The following RELN variants were observed in gnomAD, a reference collection of about 807,000 sequenced individuals.
The protein encoded by RELN is reelin.
Under a neutral mutation model 427.6 loss-of-function variants are expected in RELN, and 108 were observed. The ratio of observed to expected loss-of-function variants is 0.25; its 90% CI spans 0.22 to 0.30. The LOEUF is 0.30. Among genes scored for constraint, RELN ranks in the 10% least tolerant of loss-of-function variants. The pLI is 1.00. For missense variants in RELN, 3,715 were observed against 4,302.8 expected, an observed-to-expected ratio of 0.86 and a Z score of 3.82; for synonymous variants, 1,524 against 1,513.4, an observed-to-expected ratio of 1.01 and a Z score of -0.16.
At chr7:103,592,275 G>C (rs529183097) in intron 27 of RELN, among the ~76,000 whole-genome samples, 19 of 152,232 alleles carry the variant, frequency 1.2e-4, no homozygotes, top group Non-Finnish European at 2.6e-4. Context: ...ACTTACAAGT[G>C]AGAACATGTG....
At chr7:103,868,408 T>C (rs987980069) in intron 2 of RELN, among the ~76,000 whole-genome samples, 1 of 152,118 alleles carries the variant, frequency 6.6e-6, no homozygotes, top group Non-Finnish European at 1.5e-5. Context: ...GAGTATATTT[T>C]GTTAAATTTT....
intron 4 of RELN, among the ~76,000 whole-genome samples, chr7:103,766,494 G>A (rs1170643669): frequency 6.6e-6 from 1 of 152,162 alleles, no homozygotes; most frequent in Non-Finnish European, 1.5e-5. Flanking sequence ...ATAGCCAAGA[G>A]AAGATTTTGG....
At chr7:103,647,241 C>A (rs192680487) in intron 16 of RELN, among the ~76,000 whole-genome samples, 170 of 151,574 alleles carry the variant, frequency 1.1e-3, no homozygotes, top group Non-Finnish European at 1.9e-3. Context: ...ATAAAAGGCA[C>A]CCAAATTTGA....
chr7:103,797,286 A>G (rs1382993353), intron 3 of RELN, among the ~76,000 whole-genome samples: 1 of 152,032 alleles, frequency 6.6e-6, no homozygotes, highest in Non-Finnish European at 1.5e-5. Flanking sequence ...TATTATTTTT[A>G]GTAGAGATGG....
Position 103,936,743 on chromosome 7 carries a change from GACACACACACACACACACAC to G in RELN, c.227-19578_227-19559del, listed in dbSNP as rs57505374. Among the ~76,000 whole-genome samples, 333 of 139,746 alleles carry G rather than the reference GACACACACACACACACACAC, an allele frequency of 2.4e-3. 3 individuals are homozygous for G. The highest frequency in any genetic ancestry group is 4.0e-3 in the Non-Finnish European group (256 of 63,684). 91.7% of individuals were successfully genotyped at this position (139,746 alleles called of 152,430 possible). ...ACACACACAGACAGACAGACAGACA[GACACACACACACACACACAC>G]ACACACACACACTTTCCTGGTAAAA... is the stretch of plus-strand genomic sequence containing the variant. On this transcript the variant is annotated intron_variant, in intron 1 of 64. Coordinates refer to ENST00000428762, the MANE Select transcript of RELN (RefSeq NM_005045.4).
At chr7:103,969,468 TG>T (rs890551525) in intron 1 of RELN, among the ~76,000 whole-genome samples, 68 of 152,284 alleles carry the variant, frequency 4.5e-4, no homozygotes, top group African/African-American at 1.4e-3. Context: ...ATGCCAGAAA[TG>T]GCCAATTAGA....
In RELN at chr7:103,904,529, C is replaced by T. The variant is rs568589909; in HGVS notation, c.337+12546G>A. Among the ~76,000 whole-genome samples the T allele has an allele frequency of 1.3e-4, 20 of 152,254 alleles. 2 individuals are homozygous for T. In the South Asian group the frequency reaches 3.9e-3, roughly 30 times the overall value. On this transcript the variant is annotated intron_variant, in intron 2 of 64. Coordinates refer to ENST00000428762, the MANE Select transcript of RELN (RefSeq NM_005045.4). ...CACACCAGCATCTACTGTTCCTTGA[C>T]TTTACATATCTTATCAGGACTAAAT... is the stretch of plus-strand genomic sequence containing the variant.
intron 11 of RELN, among the ~76,000 whole-genome samples, chr7:103,674,268 T>G (rs1833460984): frequency 6.6e-6 from 1 of 152,226 alleles, no homozygotes; most frequent in Non-Finnish European, 1.5e-5. Flanking sequence ...TTTGTTCTAA[T>G]TTCACAAATG....
At chr7:103,579,074 G>A (rs556991133) in intron 28 of RELN, among the ~76,000 whole-genome samples, 1 of 152,160 alleles carries the variant, frequency 6.6e-6, no homozygotes, top group Non-Finnish European at 1.5e-5. Context: ...AATACCATGA[G>A]GAGCAAAACC....
intron 31 of RELN, among the ~76,000 whole-genome samples, chr7:103,568,803 T>C (rs1830818220): frequency 6.6e-6 from 1 of 152,190 alleles, no homozygotes; most frequent in African/African-American, 2.4e-5. Flanking sequence ...TATTTTGAGG[T>C]GACCTAATCA....
chr7:103,709,130 AT>A (rs1789724383), intron 8 of RELN, among the ~76,000 whole-genome samples: 1 of 151,978 alleles, frequency 6.6e-6, no homozygotes, highest in African/African-American at 2.4e-5. Context: ...CAATAATACT[AT>A]TATTATTATT....
chr7:103,622,030 A>G (rs1216446713), intron 20 of RELN, among the ~76,000 whole-genome samples: 2 of 152,152 alleles, frequency 1.3e-5, no homozygotes, highest in African/African-American at 4.8e-5. Context: ...AAATAAAAAT[A>G]AAAATAATTG....
chr7:103,859,295 ATTTAT>A (rs1314859134), intron 2 of RELN, among the ~76,000 whole-genome samples: 1 of 151,972 alleles, frequency 6.6e-6, no homozygotes, highest in Non-Finnish European at 1.5e-5. Flanking sequence ...TATTTATTTT[ATTTAT>A]TTATTTGTTT....
Position 103,558,057 on chromosome 7 carries a change from T to TA in RELN, c.5530-9dup. On this transcript the variant is annotated splice_polypyrimidine_tract_variant and intron_variant, in intron 36 of 64. Coordinates refer to ENST00000428762, the MANE Select transcript of RELN (RefSeq NM_005045.4). ...AAGCATCCTTAGTCCTTCCTGAAAA[T>TA]AAAAACATATACGTTAAGCAACTTT... is the stretch of plus-strand genomic sequence containing the variant. 2.9e-6 allele frequency: 4 copies of TA among 1,398,294 alleles called. No individual in the cohort carries two copies. The highest frequency in any genetic ancestry group is 4.1e-6 in the Non-Finnish European group (4 of 984,106). The allele number at this position is 1,398,294 out of a possible 1,614,324, so 86.6% of individuals were successfully genotyped here.
At chr7:103,586,061 C>T (rs1831262602) in intron 28 of RELN, among the ~76,000 whole-genome samples, 1 of 152,206 alleles carries the variant, frequency 6.6e-6, no homozygotes, top group South Asian at 2.1e-4. Context: ...CAAAGCAACA[C>T]ACCTCAAAAT....
Position 103,834,493 on chromosome 7 carries a change from G to T in RELN, c.338-821C>A, listed in dbSNP as rs572851322. ...AATGAGAACATCATGGCCTAGCTGT[G>T]AACAGGTCAGCTCCAAGCTGAGCTA... On this transcript the variant is annotated intron_variant, in intron 2 of 64. Transcript: ENST00000428762. Among the ~76,000 whole-genome samples the T allele has an allele frequency of 3.9e-5, 6 of 152,128 alleles. No homozygotes were observed. The South Asian group carries it at 1.2e-3, about 32-fold the overall frequency.
In RELN at chr7:103,706,484, T is replaced by G. The variant is rs183682592; in HGVS notation, c.806-5478A>C. On this transcript the variant is annotated intron_variant, in intron 8 of 64. Transcript: ENST00000428762. ...CTGCTATTAGTAGGCGTTTCTACTT[T>G]ACAAGTAAGGAAACTAAGGTAAAGA... 3.9e-5 allele frequency among the ~76,000 whole-genome samples: 6 copies of G among 152,276 alleles called. No individual in the cohort carries two copies. The East Asian group carries it at 1.2e-3, about 29-fold the overall frequency.
At chr7:103,666,595 T>C (rs1323107546) in intron 11 of RELN, among the ~76,000 whole-genome samples, 1 of 152,178 alleles carries the variant, frequency 6.6e-6, no homozygotes, top group Non-Finnish European at 1.5e-5. Flanking sequence ...TGAGCTCAAC[T>C]TTAGTGGACT....
chr7:103,891,118 G>T (rs1311909850), intron 2 of RELN, among the ~76,000 whole-genome samples: 1 of 151,982 alleles, frequency 6.6e-6, no homozygotes, highest in East Asian at 1.9e-4. Context: ...AAAAGAAAGT[G>T]GAATTCCATC....
Sources: allele counts gnomAD v4.1 joint callset (sites outside exome capture counted in the v4.1 genomes callset), GRCh38; gene constraint gnomAD v4.1.1; transcripts MANE v1.5; gene names NCBI Gene and HGNC (gene_info 2026-07-23, HGNC 2026-07-21).